WDPCP: variants seen among roughly 807,000 people sequenced by gnomAD.
The protein encoded by WDPCP is WD repeat-containing and planar cell polarity effector protein fritz homolog.
WDPCP carries 71 observed loss-of-function variants against 93.1 expected under a neutral mutation model. That is an observed-to-expected ratio of 0.76 (90% CI 0.63 to 0.93). The LOEUF (loss-of-function observed/expected upper bound fraction) is 0.93, where lower values mean the gene tolerates loss of function less well. Ranked by LOEUF, WDPCP falls within the 40% of genes least tolerant of loss-of-function variation. The pLI, the probability that WDPCP is intolerant of heterozygous loss-of-function variation, is 0.00. For missense variants in WDPCP, 844 were observed against 887.4 expected (o/e 0.95, Z 0.62); for synonymous variants, 315 against 315.0 (o/e 1.00, Z 0.00).
chr2:63,594,152 A>G (rs1360838784), intron 3 of WDPCP: 3 of 458,172 alleles, frequency 6.5e-6, no homozygotes, highest in African/African-American at 6.0e-5. Flanking sequence ...CATAATAAGG[A>G]TTTGTGTGGC....
chr2:63,538,041 A>C (rs1558775969), intron 1 of WDPCP, among the ~76,000 whole-genome samples: 1 of 152,164 alleles, frequency 6.6e-6, no homozygotes, highest in Non-Finnish European at 1.5e-5. Context: ...ATATGCGCTA[A>C]AAAACAAGGT....
At chr2:63,740,285 C>T (rs1437437134) in intron 2 of WDPCP, among the ~76,000 whole-genome samples, 1 of 152,050 alleles carries the variant, frequency 6.6e-6, no homozygotes. Context: ...AGTGATTGTG[C>T]CAATTTATAC....
intron 13 of WDPCP, among the ~76,000 whole-genome samples, chr2:63,262,784 CA>C (rs1267442317): frequency 6.6e-6 from 1 of 152,028 alleles, no homozygotes. Flanking sequence ...TTGAAGAGGG[CA>C]AATTAAAACA....
chr2:63,793,688 T>C (rs1025308788), intron 2 of WDPCP, among the ~76,000 whole-genome samples: 2 of 152,140 alleles, frequency 1.3e-5, no homozygotes, highest in Non-Finnish European at 2.9e-5. Context: ...TAGCTATACA[T>C]GCATCCCCGA....
At position 63,178,598 on chromosome 2, in the gene WDPCP, T is replaced by C. The variant is rs998321134; in HGVS notation, c.1916-3766A>G. 4.6e-5 allele frequency among the ~76,000 whole-genome samples: 7 copies of C among 152,156 alleles called. No homozygotes were observed. In the East Asian group the frequency reaches 1.3e-3, roughly 29 times the overall value. Reference sequence around the variant, plus strand: ...TTAGTTATTTGAGTCTTCTCTCTTTTTTTTAATTAGTATACCTAATAATTG... The same window carrying C: ...TTAGTTATTTGAGTCTTCTCTCTTTCTTTTAATTAGTATACCTAATAATTG... On this transcript the variant is annotated intron_variant, in intron 14 of 17. Coordinates refer to ENST00000272321, the MANE Select transcript of WDPCP (RefSeq NM_015910.7).
At chr2:63,827,780 C>CA (rs1443750130) in exon 1 of WDPCP, 1 of 152,148 alleles carries the variant, frequency 6.6e-6, no homozygotes, top group Non-Finnish European at 1.5e-5. Context: ...GTCTAGGTAA[C>CA]ATCACTAAGC....
intron 2 of WDPCP, among the ~76,000 whole-genome samples, chr2:63,688,425 T>TA (rs778929957): frequency 0.014 from 1,857 of 135,594 alleles, 15 homozygotes; most frequent in Non-Finnish European, 0.016. Context: ...AGACTCCATC[T>TA]AAAAAAAAAA....
At chr2:63,592,199 G>A (rs900205929), upstream of WDPCP, among the ~76,000 whole-genome samples, 9 of 152,138 alleles carry the variant, frequency 5.9e-5, no homozygotes, top group Admixed American at 3.9e-4. Flanking sequence ...AATTAAATGA[G>A]AAAACAGTTC....
chr2:63,561,942 C>T (rs1706659547), intron 1 of WDPCP, among the ~76,000 whole-genome samples: 1 of 152,198 alleles, frequency 6.6e-6, no homozygotes, highest in Admixed American at 6.5e-5. Flanking sequence ...TTGGTTCAAC[C>T]ACTGTGAAAA....
At chr2:63,203,176 A>T (rs1257983298) in intron 14 of WDPCP, among the ~76,000 whole-genome samples, 1 of 152,078 alleles carries the variant, frequency 6.6e-6, no homozygotes, top group Non-Finnish European at 1.5e-5. Flanking sequence ...TTTAAAAAAA[A>T]TTTTTGTGGG....
chr2:63,717,385 A>T, intron 2 of WDPCP: 1 of 440,140 alleles, frequency 2.3e-6, no homozygotes, highest in African/African-American at 2.0e-5. Context: ...CTTGATCCTG[A>T]TGATAGTGTC....
upstream of WDPCP, chr2:63,589,078 C>G: frequency 1.2e-6 from 2 of 1,614,232 alleles, no homozygotes; most frequent in Non-Finnish European, 1.7e-6. Context: ...CTGCCCACCT[C>G]TGGCCCTCGC....
At chr2:63,229,292 C>G (rs999148666) in intron 14 of WDPCP, 7 of 151,896 alleles carry the variant, frequency 4.6e-5, no homozygotes, top group Non-Finnish European at 8.8e-5. Context: ...TTGTTTTTTT[C>G]TTGTAAATTT....
At chr2:63,536,254 T>C (rs1355058871) in intron 1 of WDPCP, among the ~76,000 whole-genome samples, 1 of 152,192 alleles carries the variant, frequency 6.6e-6, no homozygotes, top group Non-Finnish European at 1.5e-5. Flanking sequence ...GCTTTTACAC[T>C]GTTGGTGGGA....
chr2:63,619,369 C>A (rs571416014), intron 3 of WDPCP, among the ~76,000 whole-genome samples: 1 of 152,292 alleles, frequency 6.6e-6, no homozygotes, highest in East Asian at 1.9e-4. Flanking sequence ...TCCCTCCTAC[C>A]CTTGATGACT....
chr2:63,684,559 C>A, intron 2 of WDPCP: 1 of 714,944 alleles, frequency 1.4e-6, no homozygotes, highest in Non-Finnish European at 2.6e-6. Flanking sequence ...CCACAAGGTA[C>A]TCTGTGGATA....
intron 2 of WDPCP, among the ~76,000 whole-genome samples, chr2:63,687,720 C>A (rs1159084800): frequency 2.0e-5 from 3 of 152,102 alleles, no homozygotes; most frequent in Non-Finnish European, 4.4e-5. Flanking sequence ...AAAAGAACCC[C>A]CGTGCATTGT....
At chr2:63,609,765 G>A (rs972652037) in intron 3 of WDPCP, among the ~76,000 whole-genome samples, 1 of 152,086 alleles carries the variant, frequency 6.6e-6, no homozygotes, top group Non-Finnish European at 1.5e-5. Context: ...CCAACTACTC[G>A]GGAGTCCGAG....
At chr2:63,145,934 G>C (rs1671465912) in intron 17 of WDPCP, among the ~76,000 whole-genome samples, 1 of 152,122 alleles carries the variant, frequency 6.6e-6, no homozygotes, top group South Asian at 2.1e-4. Context: ...TCTTGGATTA[G>C]CTGCATTCCT....
Sources: gnomAD v4.1 joint callset for allele counts (sites outside exome capture counted in the v4.1 genomes callset) on GRCh38, gnomAD v4.1.1 for gene constraint, MANE v1.5 for transcripts, NCBI Gene and HGNC (gene_info 2026-07-23, HGNC 2026-07-21) for gene names.